ANKMY1: variants seen among roughly 807,000 people sequenced by gnomAD.
The protein encoded by ANKMY1 is ankyrin repeat and MYND domain-containing protein 1.
ANKMY1 carries 98 observed loss-of-function variants against 102.0 expected under a neutral mutation model. The observed-to-expected ratio is 0.96, with a 90% confidence interval of 0.82 to 1.14. The LOEUF is 1.14. Among genes scored for constraint, ANKMY1 ranks in the 50% most tolerant of loss-of-function variants. The pLI, the probability that ANKMY1 is intolerant of heterozygous loss-of-function variation, is 0.00. For missense variants in ANKMY1, 1,330 were observed against 1,347.6 expected, an observed-to-expected ratio of 0.99 and a Z score of 0.20; for synonymous variants, 582 against 559.9, an observed-to-expected ratio of 1.04 and a Z score of -0.56.
intron 4 of ANKMY1, among the ~76,000 whole-genome samples, chr2:240,541,681 T>G (rs2088862352): frequency 6.6e-6 from 1 of 152,016 alleles, no homozygotes; most frequent in Non-Finnish European, 1.5e-5. Flanking sequence ...TTTTTGTATT[T>G]TTAGTAGAGA....
At chr2:240,517,513 T>C (rs543426982) in intron 9 of ANKMY1, among the ~76,000 whole-genome samples, 1 of 152,306 alleles carries the variant, frequency 6.6e-6, no homozygotes, top group Admixed American at 6.5e-5. Context: ...ATAGCCTGTA[T>C]AGGCAATGAC....
chr2:240,531,182 A>C (rs892076467), intron 4 of ANKMY1, among the ~76,000 whole-genome samples: 1 of 152,236 alleles, frequency 6.6e-6, no homozygotes, highest in Non-Finnish European at 1.5e-5. Flanking sequence ...AATTCAAACC[A>C]TAATAACATA....
chr2:240,478,456 C>T (rs951553697), downstream of ANKMY1, among the ~76,000 whole-genome samples: 2 of 152,178 alleles, frequency 1.3e-5, no homozygotes, highest in African/African-American at 4.8e-5. Flanking sequence ...CCCAGCATCC[C>T]AGACCCCCCT....
chr2:240,529,799 G>T lies in ANKMY1; in HGVS notation c.481-290C>A, dbSNP rs1232525161. On this transcript the variant is annotated intron_variant, in intron 4 of 17. Transcript: ENST00000401804. The surrounding 1 kb of genome is among the most constrained non-coding windows in gnomAD (Gnocchi z 4.2). ...GTGAGGACATGATGGAAGTCTCATG[G>T]TGAAAGCGTGTCAGAGGTACCAGGT... Among the ~76,000 whole-genome samples the T allele has an allele frequency of 8.5e-5, 13 of 152,156 alleles. No homozygotes were observed. The highest frequency in any genetic ancestry group is 8.5e-4 in the Admixed American group (13 of 15,282).
chr2:240,469,523 C>A, the ANKMY1 span, among the ~76,000 whole-genome samples: 1 of 152,228 alleles, frequency 6.6e-6, no homozygotes, highest in Non-Finnish European at 1.5e-5. Flanking sequence ...AGTCAGCCTC[C>A]CTTGAGCAGC....
At chr2:240,526,979 TA>T (rs2083589829) in intron 5 of ANKMY1, 9 of 1,014,550 alleles carry the variant, frequency 8.9e-6, no homozygotes, top group Non-Finnish European at 9.4e-6. Flanking sequence ...CTTCTGTACC[TA>T]ACAGTCTTCA....
chr2:240,555,113 C>T, intron 2 of ANKMY1, 58 bp from the exon 3 acceptor site: 5 of 1,566,268 alleles, frequency 3.2e-6, no homozygotes, highest in South Asian at 1.1e-5. Flanking sequence ...CCTTCAGTGA[C>T]TGCTGAGCAC....
At chr2:240,508,247 T>A (rs1488815107) in intron 12 of ANKMY1, among the ~76,000 whole-genome samples, 1 of 152,346 alleles carries the variant, frequency 6.6e-6, no homozygotes, top group African/African-American at 2.4e-5. Context: ...GGGTCCTTAG[T>A]GTTTGGCTCT....
intron 4 of ANKMY1, among the ~76,000 whole-genome samples, chr2:240,531,032 G>A (rs1195078835): frequency 6.6e-6 from 1 of 150,472 alleles, no homozygotes; most frequent in African/African-American, 2.4e-5. Context: ...TATATATAAA[G>A]AACTCTGTAA....
chr2:240,541,888 T>TG (rs905360876), intron 4 of ANKMY1, among the ~76,000 whole-genome samples: 157 of 152,150 alleles, frequency 1.0e-3, no homozygotes, highest in African/African-American at 3.7e-3. Flanking sequence ...AAGTGCTCTT[T>TG]GGGGTCTGGG....
At chr2:240,487,827 T>C (rs1377341839) in intron 15 of ANKMY1, among the ~76,000 whole-genome samples, 1 of 152,180 alleles carries the variant, frequency 6.6e-6, no homozygotes, top group Non-Finnish European at 1.5e-5. Context: ...TTTAATAGGA[T>C]TATTTTTTCC....
Position 240,479,501 on chromosome 2 carries a change from T to C in ANKMY1, c.*108A>G. The C allele has an allele frequency of 1.5e-6, 2 of 1,332,130 alleles. No individual in the cohort carries two copies. Among genetic ancestry groups the C allele is most frequent in the South Asian group, 2.5e-5 (2 of 80,758 alleles). The allele number at this position is 1,332,130 out of a possible 1,614,324, so 82.5% of individuals were successfully genotyped here. A position where few individuals can be genotyped will look rare whatever the true frequency, so the allele number is the denominator to read the frequency against. ...CTGCTACAAAGCATGACCCCAAAGGTGCAGAAATGCCTGCATTAGGCTGGA... is the reference window on the plus strand; with the variant it reads ...CTGCTACAAAGCATGACCCCAAAGGCGCAGAAATGCCTGCATTAGGCTGGA... On this transcript the variant is annotated 3_prime_UTR_variant, in exon 18 of 18. Coordinates refer to ENST00000401804, the MANE Select transcript of ANKMY1 (RefSeq NM_001282771.3).
intron 15 of ANKMY1, among the ~76,000 whole-genome samples, chr2:240,492,714 A>G (rs2076790730): frequency 2.6e-5 from 4 of 152,266 alleles, no homozygotes; most frequent in Middle Eastern, 3.4e-3. Flanking sequence ...AATTTGAGAC[A>G]GAGTCTCACT....
At chr2:240,492,223 C>T (rs1387372616) in intron 15 of ANKMY1, among the ~76,000 whole-genome samples, 1 of 152,046 alleles carries the variant, frequency 6.6e-6, no homozygotes, top group African/African-American at 2.4e-5. Context: ...AAATTCCTGG[C>T]CTCAAGCAAT....
At chr2:240,544,474 G>T (rs1420749036) in intron 4 of ANKMY1, among the ~76,000 whole-genome samples, 1 of 152,202 alleles carries the variant, frequency 6.6e-6, no homozygotes, top group East Asian at 1.9e-4. Flanking sequence ...ATTGCTCAAA[G>T]TTAAAGGTCT....
intron 9 of ANKMY1, among the ~76,000 whole-genome samples, chr2:240,517,646 CA>C (rs1287404402): frequency 6.6e-6 from 1 of 151,224 alleles, no homozygotes; most frequent in East Asian, 2.0e-4. Context: ...CCTGTCTTTA[CA>C]AAAAAATTTA....
At chr2:240,516,294 T>C (rs2081197781) in intron 9 of ANKMY1, among the ~76,000 whole-genome samples, 1 of 152,202 alleles carries the variant, frequency 6.6e-6, no homozygotes, top group Non-Finnish European at 1.5e-5. Context: ...AGTTTTAAAT[T>C]CAGTCTTCTT....
chr2:240,525,643 A>G, intron 7 of ANKMY1, 42 bp downstream of exon 7: 7 of 1,599,706 alleles, frequency 4.4e-6, no homozygotes, highest in Non-Finnish European at 5.1e-6. Flanking sequence ...AGAGAAGACT[A>G]CAGGAGACAG....
chr2:240,523,856 C>T (rs1018206636), intron 8 of ANKMY1, 29 bp downstream of exon 8: 23 of 1,600,076 alleles, frequency 1.4e-5, no homozygotes, highest in Non-Finnish European at 1.9e-5. Flanking sequence ...GGTGGCCCTC[C>T]ACCCCCACCA....
Sources: gnomAD v4.1 joint callset for allele counts (sites outside exome capture counted in the v4.1 genomes callset) on GRCh38, gnomAD v4.1.1 for gene constraint, Gnocchi (gnomAD v3.1) non-coding constraint, MANE v1.5 for transcripts, NCBI Gene and HGNC (gene_info 2026-07-23, HGNC 2026-07-21) for gene names.